EDF1: variants seen among roughly 807,000 people sequenced by gnomAD.
The protein encoded by EDF1 is endothelial differentiation related factor 1.
EDF1 carries 5 observed loss-of-function variants against 20.8 expected under a neutral mutation model. The observed-to-expected ratio is 0.24, with a 90% CI of 0.13 to 0.51. The LOEUF (loss-of-function observed/expected upper bound fraction) is 0.51. Among genes scored for constraint, EDF1 ranks in the 20% least tolerant of loss-of-function variants. The pLI is 0.97. For missense variants in EDF1, 137 were observed against 197.8 expected (o/e 0.69, Z 1.84); for synonymous variants, 96 against 78.5 (o/e 1.22, Z -1.18).
At chr9:136,866,058 C>G (rs186616649) in intron 1 of EDF1, 123 bp downstream of exon 1, 32,931 of 988,354 alleles carry the variant, frequency 0.033, 722 homozygotes, top group Non-Finnish European at 0.038. Context: ...CAGCCTTGTC[C>G]CCGTCCCCTG....
intron 1 of EDF1, among the ~76,000 whole-genome samples, chr9:136,865,693 C>T (rs566326732): frequency 2.6e-5 from 4 of 151,732 alleles, no homozygotes; most frequent in East Asian, 1.9e-4. Context: ...TCCATCCCTG[C>T]CCCCGTTCCC....
chr9:136,863,069 G>T lies in EDF1; in HGVS notation c.292-70C>A, dbSNP rs371365746. The T allele has an allele frequency of 6.3e-7, 1 of 1,593,846 alleles. No homozygotes were observed. The highest frequency in any genetic ancestry group is 1.1e-5 in the South Asian group (1 of 90,690). On this transcript the variant is annotated intron_variant, in intron 3 of 4. Coordinates refer to ENST00000224073, the MANE Select transcript of EDF1 (RefSeq NM_003792.4). This position sits in a 1 kb window ranked among gnomAD's most constrained non-coding sequence, Gnocchi z 4.5. ...GCTGCAAAACCAGGCGCGAAGCGTC[G>T]CCTGAGAACAGCAGCTTCTAGGGCC...
Position 136,863,525 on chromosome 9 carries a change from C to A in EDF1, c.131-77G>T. Reference sequence around the variant, plus strand: ...AGAAAAACCATTTCAAAGCGGTAACCAGACCCCAGAGGCTGCCTGAACTCA... The same window carrying A: ...AGAAAAACCATTTCAAAGCGGTAACAAGACCCCAGAGGCTGCCTGAACTCA... On this transcript the variant is annotated intron_variant, in intron 2 of 4. Coordinates refer to ENST00000224073, the MANE Select transcript of EDF1 (RefSeq NM_003792.4). The surrounding 1 kb of genome is among the most constrained non-coding windows in gnomAD (Gnocchi z 4.5). 1 of 1,522,826 alleles carries A rather than the reference C, an allele frequency of 6.6e-7. No individual in the cohort carries two copies. The highest frequency in any genetic ancestry group is 8.8e-7 in the Non-Finnish European group (1 of 1,130,430). The allele number at this position is 1,522,826 out of a possible 1,614,324, so 94.3% of individuals were successfully genotyped here.
intron 1 of EDF1, among the ~76,000 whole-genome samples, chr9:136,865,237 G>A (rs1390701433): frequency 6.6e-6 from 1 of 152,042 alleles, no homozygotes; most frequent in Non-Finnish European, 1.5e-5. Flanking sequence ...ACTCACAACT[G>A]ACCCTCGGAT....
chr9:136,862,451 G>T lies in EDF1; in HGVS notation c.386-106C>A. 1.2e-6 allele frequency: 2 copies of T among 1,613,354 alleles called. No individual in the cohort carries two copies. The highest frequency in any genetic ancestry group is 1.3e-5 in the African/African-American group (1 of 75,022). ...AGGGAAGGGGGGCCACGCCGCTCCC[G>T]TGCCTCACTGGGCTCTCAGCACACG... On this transcript the variant is annotated intron_variant, in intron 4 of 4. Coordinates refer to ENST00000224073, the MANE Select transcript of EDF1 (RefSeq NM_003792.4). The surrounding 1 kb of genome is among the most constrained non-coding windows in gnomAD (Gnocchi z 4.1).
Position 136,862,398 on chromosome 9 carries a change from C to T in EDF1, c.386-53G>A. ...TGCAGCACCAGCTCCCTCCTCCCCC[C>T]AACGCTGCCCCTCTTCAACATCTTC... On this transcript the variant is annotated intron_variant, in intron 4 of 4. Coordinates refer to ENST00000224073, the MANE Select transcript of EDF1 (RefSeq NM_003792.4). The surrounding 1 kb of genome is among the most constrained non-coding windows in gnomAD (Gnocchi z 4.1). 1 of 1,613,984 alleles carries T rather than the reference C, an allele frequency of 6.2e-7. No homozygotes were observed. Among genetic ancestry groups the T allele is most frequent in the South Asian group, 1.1e-5 (1 of 91,084 alleles).
At position 136,862,730 on chromosome 9, in the gene EDF1, C is replaced by T. The variant is rs1849128932; in HGVS notation, c.385+176G>A. 6.5e-7 allele frequency: 1 copy of T among 1,549,198 alleles called. No individual in the cohort carries two copies. The highest frequency in any genetic ancestry group is 2.3e-5 in the East Asian group (1 of 43,986). On this transcript the variant is annotated intron_variant, in intron 4 of 4. Transcript: ENST00000224073. This position sits in a 1 kb window ranked among gnomAD's most constrained non-coding sequence, Gnocchi z 4.1. Reference sequence around the variant, plus strand: ...GCTCTTAGGGGTTTCCTGAGGCCTGCAGAGACCCCACCATCCCTCAGTCTG... The same window carrying T: ...GCTCTTAGGGGTTTCCTGAGGCCTGTAGAGACCCCACCATCCCTCAGTCTG...
intron 1 of EDF1, among the ~76,000 whole-genome samples, chr9:136,865,135 G>A (rs1849189279): frequency 6.6e-6 from 1 of 152,134 alleles, no homozygotes; most frequent in African/African-American, 2.4e-5. Flanking sequence ...GCGCATCCTG[G>A]CCCAACTGGC....
At chr9:136,866,127 C>CCCGGCCCAGCGT in intron 1 of EDF1, 54 bp downstream of exon 1, 1 of 1,548,244 alleles carries the variant, frequency 6.5e-7, no homozygotes, top group Non-Finnish European at 8.7e-7. Flanking sequence ...GGTCCGTGGC[C>CCCGGCCCAGCGT]CCGGCCCAGC....
Position 136,863,040 on chromosome 9 carries a change from G to C in EDF1, c.292-41C>G, listed in dbSNP as rs1327270970. ...GCTTTATACACATCAGCTCCACTAG[G>C]ACTGCTGCAAAACCAGGCGCGAAGC... On this transcript the variant is annotated intron_variant, in intron 3 of 4. Coordinates refer to ENST00000224073, the MANE Select transcript of EDF1 (RefSeq NM_003792.4). This position sits in a 1 kb window ranked among gnomAD's most constrained non-coding sequence, Gnocchi z 4.5. The C allele has an allele frequency of 3.1e-6, 5 of 1,610,994 alleles. No homozygotes were observed. The highest frequency in any genetic ancestry group is 2.2e-5 in the South Asian group (2 of 91,000).
At chr9:136,865,081 G>A (rs746173884) in intron 1 of EDF1, among the ~76,000 whole-genome samples, 2 of 152,184 alleles carry the variant, frequency 1.3e-5, no homozygotes, top group Admixed American at 6.5e-5. Flanking sequence ...TGTGCAACCA[G>A]TAAGGGTAGG....
intron 1 of EDF1, among the ~76,000 whole-genome samples, chr9:136,865,589 T>C (rs10781517): frequency 0.79 from 116,669 of 147,382 alleles, 46,732 homozygotes; most frequent in African/African-American, 0.92. Context: ...ATTCCCCACC[T>C]TCATCGCTGG....
chr9:136,862,457 C>A lies in EDF1; in HGVS notation c.386-112G>T, dbSNP rs752794387. 11 of 1,613,300 alleles carry A rather than the reference C, an allele frequency of 6.8e-6. No homozygotes were observed. The highest frequency in any genetic ancestry group is 9.3e-6 in the Non-Finnish European group (11 of 1,179,908). ...GGGGGGCCACGCCGCTCCCGTGCCT[C>A]ACTGGGCTCTCAGCACACGAGCACT... On this transcript the variant is annotated intron_variant, in intron 4 of 4. Transcript: ENST00000224073. The surrounding 1 kb of genome is among the most constrained non-coding windows in gnomAD (Gnocchi z 4.1).
rs1282432424 is a variant in EDF1 at position 136,862,737 on chromosome 9, C to A, written c.385+169G>T. The A allele has an allele frequency of 6.4e-6, 10 of 1,557,264 alleles. No individual in the cohort carries two copies. Among genetic ancestry groups the A allele is most frequent in the Non-Finnish European group, 6.9e-6 (8 of 1,157,240 alleles). ...GGGGTTTCCTGAGGCCTGCAGAGAC[C>A]CCACCATCCCTCAGTCTGTACTACC... On this transcript the variant is annotated intron_variant, in intron 4 of 4. Coordinates refer to ENST00000224073, the MANE Select transcript of EDF1 (RefSeq NM_003792.4). This position sits in a 1 kb window ranked among gnomAD's most constrained non-coding sequence, Gnocchi z 4.1.
chr9:136,866,050 G>T, intron 1 of EDF1, 131 bp downstream of exon 1: 1 of 587,584 alleles, frequency 1.7e-6, no homozygotes, highest in Non-Finnish European at 2.3e-6. Context: ...CGGCACCCCA[G>T]CCTTGTCCCC....
chr9:136,863,725 G>A lies in EDF1; in HGVS notation c.130+95C>T, dbSNP rs1213113240. 2.7e-6 allele frequency: 4 copies of A among 1,488,894 alleles called. No individual in the cohort carries two copies. Among genetic ancestry groups the A allele is most frequent in the Admixed American group, 1.7e-5 (1 of 58,630 alleles). The allele number at this position is 1,488,894 out of a possible 1,614,324, so 92.2% of individuals were successfully genotyped here. A position where few individuals can be genotyped will look rare whatever the true frequency, so the allele number is the denominator to read the frequency against. ...CACCGGTGCAGGCAGGCACTCAGCT[G>A]ACAACGTCCCCGGGGGCGCCGCACA... is the stretch of plus-strand genomic sequence containing the variant. On this transcript the variant is annotated intron_variant, in intron 2 of 4. Coordinates refer to ENST00000224073, the MANE Select transcript of EDF1 (RefSeq NM_003792.4). The surrounding 1 kb of genome is among the most constrained non-coding windows in gnomAD (Gnocchi z 4.5).
chr9:136,863,392 G>A lies in EDF1; in HGVS notation c.187C>T (p.Arg63Trp), dbSNP rs139723037. The change falls in exon 3 of 5, where the codon CGG becomes TGG. Residue 63 changes from arginine (R) to tryptophan (W), a missense_variant. Physicochemically the swap from Arg to Trp is moderately radical, Grantham distance 101. Transcript: ENST00000224073. This position sits in a 1 kb window ranked among gnomAD's most constrained non-coding sequence, Gnocchi z 4.5. The part of the protein sequence containing the change: ...SITKNTAKLD[R>W]ETEELHHDRV... The stretch of plus-strand genomic sequence containing the variant: ...TCATGGTGCAGCTCCTCTGTCTCCC[G>A]GTCCAGCTTGGCCGTGTTCTTGGTA... The A allele has an allele frequency of 2.3e-5, 37 of 1,614,006 alleles. No individual in the cohort carries two copies. The highest frequency in any genetic ancestry group is 3.3e-5 in the Admixed American group (2 of 60,002).
Position 136,863,519 on chromosome 9 carries a change from G to A in EDF1, c.131-71C>T, listed in dbSNP as rs533083794. ...ACCTGAAGAAAAACCATTTCAAAGC[G>A]GTAACCAGACCCCAGAGGCTGCCTG... On this transcript the variant is annotated intron_variant, in intron 2 of 4. Coordinates refer to ENST00000224073, the MANE Select transcript of EDF1 (RefSeq NM_003792.4). The surrounding 1 kb of genome is among the most constrained non-coding windows in gnomAD (Gnocchi z 4.5). 24 of 1,537,738 alleles carry A rather than the reference G, an allele frequency of 1.6e-5. No individual in the cohort carries two copies. In the African/African-American group the frequency reaches 1.6e-4, roughly 10 times the overall value.
chr9:136,865,177 G>A (rs991865171), intron 1 of EDF1, among the ~76,000 whole-genome samples: 1 of 152,150 alleles, frequency 6.6e-6, no homozygotes, highest in Non-Finnish European at 1.5e-5. Flanking sequence ...CCACCTGAGG[G>A]TACGAATGAG....
Sources: allele counts gnomAD v4.1 joint callset (sites outside exome capture counted in the v4.1 genomes callset), GRCh38; gene constraint gnomAD v4.1.1; non-coding constraint Gnocchi (gnomAD v3.1); transcripts MANE v1.5; gene names NCBI Gene and HGNC (gene_info 2026-07-23, HGNC 2026-07-21).